Variants in SLC25A21 observed in about 807,000 individuals in gnomAD.
SLC25A21 encodes the protein mitochondrial 2-oxodicarboxylate carrier.
SLC25A21 carries 47 observed loss-of-function variants against 43.8 expected under a neutral mutation model. The observed-to-expected ratio is 1.07, with a 90% confidence interval of 0.85 to 1.37. The LOEUF (loss-of-function observed/expected upper bound fraction) is 1.37. SLC25A21 is among the 40% of genes most tolerant of loss of function. The pLI is 0.00. For missense variants in SLC25A21, 352 were observed against 350.2 expected, an observed-to-expected ratio of 1.00 and a Z score of -0.04; for synonymous variants, 131 against 121.3, an observed-to-expected ratio of 1.08 and a Z score of -0.52.
rs557787073 is a variant in SLC25A21, at chr14:36,858,732, C to G, written c.119+16224G>C. 3.9e-5 allele frequency among the ~76,000 whole-genome samples: 6 copies of G among 152,220 alleles called. No individual in the cohort carries two copies. The East Asian group carries it at 1.2e-3, about 29-fold the overall frequency. ...ACCCTGACTATCTCCCTGTACTACC[C>G]AAAAACACTCTTAAGTGTTCTCTCA... On this transcript the variant is annotated intron_variant, in intron 2 of 9. Coordinates refer to ENST00000331299, the MANE Select transcript of SLC25A21 (RefSeq NM_030631.4).
chr14:36,954,599 A>T (rs1229057399), intron 1 of SLC25A21, among the ~76,000 whole-genome samples: 1 of 152,124 alleles, frequency 6.6e-6, no homozygotes, highest in Non-Finnish European at 1.5e-5. Context: ...AATAGTCCAG[A>T]TCTATTGTTC....
At position 36,680,564 on chromosome 14, in the gene SLC25A21, A is replaced by AATT; in HGVS notation, c.*91_*93dup. ...GTTCTTGAACAGTTTTCTCCTTCAT[A>AATT]ATTATACACCTGGCCGATCGATAGT... is the stretch of plus-strand genomic sequence containing the variant. On this transcript the variant is annotated 3_prime_UTR_variant, in exon 10 of 10. Coordinates refer to ENST00000331299, the MANE Select transcript of SLC25A21 (RefSeq NM_030631.4). 2.7e-6 allele frequency: 4 copies of AATT among 1,459,812 alleles called. No homozygotes were observed. Among genetic ancestry groups the AATT allele is most frequent in the East Asian group, 5.0e-5 (2 of 40,018 alleles). 90.4% of individuals were successfully genotyped at this position (1,459,812 alleles called of 1,614,324 possible).
chr14:37,141,484 AT>A lies in SLC25A21; in HGVS notation c.70+30796del, dbSNP rs1218992506. On this transcript the variant is annotated intron_variant, in intron 1 of 9. Coordinates refer to ENST00000331299, the MANE Select transcript of SLC25A21 (RefSeq NM_030631.4). ...AAATAGCATAGAATTGTCTATGATT[AT>A]TTCTTTCAATTAACTGCGTTTTTAA... Among the ~76,000 whole-genome samples, 8 of 152,154 alleles carry A rather than the reference AT, an allele frequency of 5.3e-5. No homozygotes were observed. The East Asian group carries it at 1.2e-3, about 22-fold the overall frequency.
intron 6 of SLC25A21, among the ~76,000 whole-genome samples, chr14:36,714,099 A>G (rs924744721): frequency 1.3e-5 from 2 of 152,226 alleles, no homozygotes; most frequent in African/African-American, 2.4e-5. Flanking sequence ...TAAACAACTT[A>G]GTCCATTCTA....
chr14:37,167,770 A>T (rs1452350969), intron 1 of SLC25A21, among the ~76,000 whole-genome samples: 1 of 151,772 alleles, frequency 6.6e-6, no homozygotes, highest in Non-Finnish European at 1.5e-5. Context: ...CATCACCTAG[A>T]TCTAACTGGT....
intron 1 of SLC25A21, among the ~76,000 whole-genome samples, chr14:37,155,855 A>G (rs1245292423): frequency 1.3e-5 from 2 of 152,132 alleles, no homozygotes; most frequent in Non-Finnish European, 2.9e-5. Context: ...TAGATTTACC[A>G]TCACAAAAAC....
At chr14:36,983,901 T>C (rs1035078689) in intron 1 of SLC25A21, among the ~76,000 whole-genome samples, 1 of 152,040 alleles carries the variant, frequency 6.6e-6, no homozygotes, top group Non-Finnish European at 1.5e-5. Flanking sequence ...GGAAAGTCAA[T>C]TACTACACGT....
chr14:36,805,723 A>C (rs1888015198), intron 3 of SLC25A21, among the ~76,000 whole-genome samples: 1 of 152,212 alleles, frequency 6.6e-6, no homozygotes, highest in East Asian at 1.9e-4. Flanking sequence ...TCAAACTTGA[A>C]TTGCTAAATA....
chr14:37,159,555 T>C (rs10144008), intron 1 of SLC25A21, among the ~76,000 whole-genome samples: 84,317 of 151,852 alleles, frequency 0.56, 25,932 homozygotes, highest in East Asian at 0.81. Context: ...CCCTTTTCTC[T>C]CACAATATAC....
intron 1 of SLC25A21, among the ~76,000 whole-genome samples, chr14:36,954,994 T>G (rs889214504): frequency 6.6e-6 from 1 of 152,200 alleles, no homozygotes; most frequent in African/African-American, 2.4e-5. Context: ...TCTAAGGACA[T>G]GAGCCACTTT....
intron 2 of SLC25A21, among the ~76,000 whole-genome samples, chr14:36,854,970 G>A (rs1889855416): frequency 6.6e-6 from 1 of 152,032 alleles, no homozygotes; most frequent in African/African-American, 2.4e-5. Context: ...AATTGGAGTG[G>A]TGGCAGCAGT....
chr14:37,131,690 CTT>C (rs1297973600), intron 1 of SLC25A21, among the ~76,000 whole-genome samples: 1 of 152,140 alleles, frequency 6.6e-6, no homozygotes, highest in African/African-American at 2.4e-5. Flanking sequence ...TGTTTTTTAT[CTT>C]GAGACAGGGT....
chr14:37,072,504 C>A (rs543623489), intron 1 of SLC25A21, among the ~76,000 whole-genome samples: 1 of 152,278 alleles, frequency 6.6e-6, no homozygotes, highest in South Asian at 2.1e-4. Context: ...CAATGTCTCA[C>A]GCCTGTAATC....
chr14:36,909,329 G>T (rs1395547718), intron 1 of SLC25A21, among the ~76,000 whole-genome samples: 1 of 144,540 alleles, frequency 6.9e-6, no homozygotes, highest in Non-Finnish European at 1.5e-5. Flanking sequence ...GTCTGAAAGT[G>T]AGAAGATAAG....
intron 1 of SLC25A21, among the ~76,000 whole-genome samples, chr14:36,970,082 A>T (rs887469118): frequency 6.6e-6 from 1 of 152,238 alleles, no homozygotes; most frequent in Admixed American, 6.5e-5. Context: ...CTTTCCTTAG[A>T]CATGAAAGTC....
intron 1 of SLC25A21, among the ~76,000 whole-genome samples, chr14:36,956,063 T>C (rs1402739283): frequency 1.3e-5 from 2 of 152,154 alleles, no homozygotes; most frequent in Non-Finnish European, 2.9e-5. Context: ...CAACTTTGTG[T>C]CTGTCAGAGA....
intron 1 of SLC25A21, among the ~76,000 whole-genome samples, chr14:36,962,601 C>T (rs975207475): frequency 1.3e-5 from 2 of 152,168 alleles, no homozygotes; most frequent in South Asian, 2.1e-4. Flanking sequence ...TGGCTTATTT[C>T]GCTTAGCATA....
chr14:36,923,841 C>T (rs887447995), intron 1 of SLC25A21, among the ~76,000 whole-genome samples: 1 of 152,136 alleles, frequency 6.6e-6, no homozygotes, highest in Non-Finnish European at 1.5e-5. Flanking sequence ...AAGAAAAAAA[C>T]AACCCCGTCA....
intron 3 of SLC25A21, among the ~76,000 whole-genome samples, chr14:36,752,089 G>A (rs1008350816): frequency 2.6e-5 from 4 of 152,170 alleles, no homozygotes; most frequent in African/African-American, 7.2e-5. Flanking sequence ...CTGCTGGGGA[G>A]CCAGGCGAAG....
Sources: allele counts gnomAD v4.1 joint callset (sites outside exome capture counted in the v4.1 genomes callset), GRCh38; gene constraint gnomAD v4.1.1; transcripts MANE v1.5; gene names NCBI Gene and HGNC (gene_info 2026-07-23, HGNC 2026-07-21).